The following PTPRD variants were observed in gnomAD, a reference collection of about 807,000 sequenced individuals.
PTPRD encodes protein tyrosine phosphatase receptor type D, also known as receptor-type tyrosine-protein phosphatase delta.
PTPRD carries 34 observed loss-of-function variants against 214.5 expected under a neutral mutation model. The ratio of observed to expected loss-of-function variants is 0.16; its 90% CI spans 0.12 to 0.21. The LOEUF is 0.21. PTPRD is among the 10% of genes least tolerant of loss of function. The probability of loss-of-function intolerance (pLI) is 1.00; values close to 1 mark genes in which losing one functional copy is unlikely to be tolerated. For missense variants in PTPRD, 2,545 were observed against 2,398.7 expected (o/e 1.06, Z -1.27); for synonymous variants, 1,128 against 845.7 (o/e 1.33, Z -5.79).
chr9:9,427,406 G>C (rs139689598), intron 8 of PTPRD, among the ~76,000 whole-genome samples: 1 of 152,278 alleles, frequency 6.6e-6, no homozygotes, highest in East Asian at 1.9e-4. Flanking sequence ...AGAAATATGG[G>C]ACTATGTGAA....
chr9:10,604,735 T>C (rs1297458559), intron 2 of PTPRD, among the ~76,000 whole-genome samples: 1 of 151,872 alleles, frequency 6.6e-6, no homozygotes, highest in Non-Finnish European at 1.5e-5. Flanking sequence ...TTATAAGCCA[T>C]GGTCCATTGA....
At chr9:9,747,491 T>C (rs909058714) in intron 6 of PTPRD, among the ~76,000 whole-genome samples, 15 of 151,736 alleles carry the variant, frequency 9.9e-5, no homozygotes, top group African/African-American at 3.6e-4. Context: ...ATATACTATT[T>C]GGGGAAAAAT....
At chr9:8,975,583 G>A (rs1038124020) in intron 11 of PTPRD, among the ~76,000 whole-genome samples, 9 of 151,944 alleles carry the variant, frequency 5.9e-5, no homozygotes, top group East Asian at 3.9e-4. Flanking sequence ...AAAGGACTGA[G>A]TTTTTTCCTA....
In PTPRD at chr9:8,704,242, C is replaced by A. The variant is rs566741911; in HGVS notation, c.64+29538G>T. ...TTGTGCAGGGTTGGCTGCCTTCCCCCCTCCCACTCCATCCTCTGCATCTCC... is the reference window on the plus strand; with the variant it reads ...TTGTGCAGGGTTGGCTGCCTTCCCCACTCCCACTCCATCCTCTGCATCTCC... On this transcript the variant is annotated intron_variant, in intron 12 of 45. Transcript: ENST00000381196. Among the ~76,000 whole-genome samples, 18 of 152,164 alleles carry A rather than the reference C, an allele frequency of 1.2e-4. No homozygotes were observed. The South Asian group carries it at 1.7e-3, about 14-fold the overall frequency.
At chr9:9,989,899 C>A (rs2095854171) in intron 4 of PTPRD, among the ~76,000 whole-genome samples, 1 of 152,210 alleles carries the variant, frequency 6.6e-6, no homozygotes, top group Non-Finnish European at 1.5e-5. Flanking sequence ...CTCCCCGCTA[C>A]CTCCACCACG....
chr9:9,966,198 T>C (rs1388577002), intron 4 of PTPRD, among the ~76,000 whole-genome samples: 1 of 152,144 alleles, frequency 6.6e-6, no homozygotes, highest in African/African-American at 2.4e-5. Context: ...ACTAAAGACC[T>C]AAGGCTATTT....
chr9:10,445,586 T>G (rs1366858070), intron 2 of PTPRD, among the ~76,000 whole-genome samples: 4 of 152,012 alleles, frequency 2.6e-5, no homozygotes, highest in Non-Finnish European at 5.9e-5. Flanking sequence ...AAGAGAAAAG[T>G]TGAAGTATAC....
chr9:9,425,294 C>G (rs1020940306), intron 8 of PTPRD, among the ~76,000 whole-genome samples: 1 of 151,192 alleles, frequency 6.6e-6, no homozygotes, highest in Non-Finnish European at 1.5e-5. Flanking sequence ...CGTTCAGAAT[C>G]ATGAGCAATA....
Position 9,997,511 on chromosome 9 carries a change from A to T in PTPRD, c.-472+36207T>A, listed in dbSNP as rs191402026. Reference sequence around the variant, plus strand: ...TCCAAGTTGGTCAGGCTGGTCTTGAACTCCCACCCTCAGGTGGTCTGCCCA... The same window carrying T: ...TCCAAGTTGGTCAGGCTGGTCTTGATCTCCCACCCTCAGGTGGTCTGCCCA... On this transcript the variant is annotated intron_variant, in intron 4 of 45. Transcript: ENST00000381196. Among the ~76,000 whole-genome samples the T allele has an allele frequency of 4.7e-3, 714 of 151,484 alleles. 3 individuals carry two copies. The highest frequency in any genetic ancestry group is 7.2e-3 in the Non-Finnish European group (485 of 67,822).
rs141864270 is a variant in PTPRD, at chr9:10,586,661, C to T, written c.-600+25737G>A. ...GACTTTCTCAGAAAGTAAAATGAAG[C>T]AATGACTAAAGTGCCGAGAATGAAT... On this transcript the variant is annotated intron_variant, in intron 2 of 45. Coordinates refer to ENST00000381196, the MANE Select transcript of PTPRD (RefSeq NM_002839.4). Among the ~76,000 whole-genome samples the T allele has an allele frequency of 7.7e-3, 1,178 of 152,132 alleles. 6 individuals are homozygous for T. The highest frequency in any genetic ancestry group is 0.012 in the Non-Finnish European group (827 of 67,950).
chr9:8,437,408 C>A (rs183120958), intron 34 of PTPRD, among the ~76,000 whole-genome samples: 46 of 152,222 alleles, frequency 3.0e-4, no homozygotes, highest in Admixed American at 1.8e-3. Context: ...ACATTAAGAT[C>A]GCTAATATTT....
At chr9:10,526,471 A>C (rs1450525278) in intron 2 of PTPRD, among the ~76,000 whole-genome samples, 1 of 152,118 alleles carries the variant, frequency 6.6e-6, no homozygotes, top group African/African-American at 2.4e-5. Flanking sequence ...GAGAATAAAT[A>C]AGTAAAAGGA....
At position 9,056,838 on chromosome 9, in the gene PTPRD, T is replaced by C. The variant is rs529661041; in HGVS notation, c.-142-38103A>G. ...ATATTTATATCAGATTATTTTTAAG[T>C]GAACACATTTCTGGTATGCATATTA... On this transcript the variant is annotated intron_variant, in intron 10 of 45. Coordinates refer to ENST00000381196, the MANE Select transcript of PTPRD (RefSeq NM_002839.4). Among the ~76,000 whole-genome samples, 63 of 152,334 alleles carry C rather than the reference T, an allele frequency of 4.1e-4. 1 individual carries two copies. Among genetic ancestry groups the C allele is most frequent in the African/African-American group, 1.5e-3 (62 of 41,588 alleles).
chr9:10,132,962 T>TAAAAAGC (rs753864227), intron 3 of PTPRD, among the ~76,000 whole-genome samples: 2 of 151,632 alleles, frequency 1.3e-5, no homozygotes, highest in Admixed American at 6.6e-5. Flanking sequence ...AGATTGTTAT[T>TAAAAAGC]TTGTAGCTTC....
chr9:9,237,386 T>C (rs1304066144), intron 9 of PTPRD, among the ~76,000 whole-genome samples: 2 of 152,110 alleles, frequency 1.3e-5, no homozygotes, highest in Non-Finnish European at 2.9e-5. Flanking sequence ...GCTATGATCA[T>C]GCCACTGTAC....
intron 11 of PTPRD, among the ~76,000 whole-genome samples, chr9:8,933,808 A>C (rs1190466680): frequency 6.6e-6 from 1 of 152,166 alleles, no homozygotes; most frequent in African/African-American, 2.4e-5. Flanking sequence ...TTTAATAATA[A>C]AAATCATGAT....
At chr9:9,431,536 C>T (rs1428316321) in intron 8 of PTPRD, among the ~76,000 whole-genome samples, 1 of 152,110 alleles carries the variant, frequency 6.6e-6, no homozygotes, top group Non-Finnish European at 1.5e-5. Flanking sequence ...CCATTTGACC[C>T]AGCCATCTCA....
intron 7 of PTPRD, among the ~76,000 whole-genome samples, chr9:9,575,751 GAAAGAAAAAGAAAA>G (rs1563798990): frequency 1.2e-4 from 9 of 76,292 alleles, no homozygotes; most frequent in East Asian, 7.9e-4. Flanking sequence ...AAAAAAGAAA[GAAAGAAAAAGAAAA>G]AAAGAAAAAG....
intron 11 of PTPRD, among the ~76,000 whole-genome samples, chr9:8,803,036 A>G (rs2096603553): frequency 6.6e-6 from 1 of 152,164 alleles, no homozygotes; most frequent in South Asian, 2.1e-4. Context: ...CGGCCTCGGC[A>G]ACAGAGCAAG....
Sources: allele counts gnomAD v4.1 joint callset (sites outside exome capture counted in the v4.1 genomes callset), GRCh38; gene constraint gnomAD v4.1.1; transcripts MANE v1.5; gene names NCBI Gene and HGNC (gene_info 2026-07-23, HGNC 2026-07-21).